The following MLLT3 variants were observed in gnomAD, a reference collection of about 807,000 sequenced individuals.
MLLT3 encodes MLLT3 super elongation complex subunit.
MLLT3 carries 4 observed loss-of-function variants against 53.2 expected under a neutral mutation model. The ratio of observed to expected loss-of-function variants is 0.08; its 90% CI spans 0.04 to 0.17. The LOEUF (loss-of-function observed/expected upper bound fraction) is 0.17. Ranked by LOEUF, MLLT3 falls within the 10% of genes least tolerant of loss-of-function variation. The pLI is 1.00. For missense variants in MLLT3, 569 were observed against 684.0 expected (o/e 0.83, Z 1.87); for synonymous variants, 283 against 230.6 (o/e 1.23, Z -2.06).
chr9:20,620,293 A>ACACACACGCGCGCG lies in MLLT3; in HGVS notation c.193+360_193+361insCGCGCGCGTGTGTG, dbSNP rs1176274864. ...CACACACACACACACACACACACAC[A>ACACACACGCGCGCG]CGCGCAAAGTGTTTATTCCCTCCAG... is the stretch of plus-strand genomic sequence containing the variant. On this transcript the variant is annotated intron_variant, in intron 2 of 10. Transcript: ENST00000380338. This position sits in a 1 kb window ranked among gnomAD's most constrained non-coding sequence, Gnocchi z 6.1. 5.5e-5 allele frequency among the ~76,000 whole-genome samples: 8 copies of ACACACACGCGCGCG among 145,958 alleles called. No individual in the cohort carries two copies. Among genetic ancestry groups the ACACACACGCGCGCG allele is most frequent in the African/African-American group, 2.0e-4 (8 of 39,812 alleles).
intron 4 of MLLT3, among the ~76,000 whole-genome samples, chr9:20,422,193 A>G (rs1823026260): frequency 6.6e-6 from 1 of 152,140 alleles, no homozygotes. Flanking sequence ...AGTGCACAAA[A>G]AGGACAAAAA....
At chr9:20,501,835 T>C (rs1217594023) in intron 2 of MLLT3, among the ~76,000 whole-genome samples, 2 of 147,476 alleles carry the variant, frequency 1.4e-5, no homozygotes, top group African/African-American at 5.0e-5. Context: ...AATCCCAGCA[T>C]TTTGAGAAGC....
chr9:20,361,861 G>A (rs117590115), intron 7 of MLLT3, among the ~76,000 whole-genome samples: 31 of 152,182 alleles, frequency 2.0e-4, no homozygotes, highest in Non-Finnish European at 3.7e-4. Context: ...TAGAAATCAG[G>A]ATAGTTTTTC....
At chr9:20,613,028 T>C (rs1282583864) in intron 2 of MLLT3, among the ~76,000 whole-genome samples, 2 of 152,134 alleles carry the variant, frequency 1.3e-5, no homozygotes, top group Non-Finnish European at 2.9e-5. Flanking sequence ...TATTTCTTAA[T>C]AGGAAAACAG....
intron 2 of MLLT3, among the ~76,000 whole-genome samples, chr9:20,536,437 C>A (rs1280703605): frequency 6.6e-6 from 1 of 152,120 alleles, no homozygotes; most frequent in Non-Finnish European, 1.5e-5. Flanking sequence ...AAAGAGTATA[C>A]TGGGATTATT....
chr9:20,438,921 T>A (rs932815167), intron 4 of MLLT3, among the ~76,000 whole-genome samples: 1 of 152,182 alleles, frequency 6.6e-6, no homozygotes, highest in Non-Finnish European at 1.5e-5. Flanking sequence ...TAGGGATCCT[T>A]ATCTCACTCA....
At chr9:20,557,251 G>A (rs1421242531) in intron 2 of MLLT3, among the ~76,000 whole-genome samples, 1 of 152,088 alleles carries the variant, frequency 6.6e-6, no homozygotes, top group Non-Finnish European at 1.5e-5. Flanking sequence ...TAGGAGAGCA[G>A]AATAACATAG....
chr9:20,516,512 C>T (rs1817923938), intron 2 of MLLT3, among the ~76,000 whole-genome samples: 1 of 152,296 alleles, frequency 6.6e-6, no homozygotes, highest in South Asian at 2.1e-4. Flanking sequence ...GCTATTGATG[C>T]TATTGTATTA....
intron 2 of MLLT3, among the ~76,000 whole-genome samples, chr9:20,581,496 T>C (rs1819791995): frequency 6.6e-6 from 1 of 152,182 alleles, no homozygotes; most frequent in Non-Finnish European, 1.5e-5. Context: ...AAATAAGTCT[T>C]CCCTAATTCA....
intron 4 of MLLT3, among the ~76,000 whole-genome samples, chr9:20,445,537 A>G (rs1479206198): frequency 6.6e-6 from 1 of 152,130 alleles, no homozygotes; most frequent in African/African-American, 2.4e-5. Flanking sequence ...CTTTGGAATT[A>G]TTTTCTTCTA....
intron 4 of MLLT3, among the ~76,000 whole-genome samples, chr9:20,428,539 A>C (rs1823190659): frequency 6.6e-6 from 1 of 152,112 alleles, no homozygotes; most frequent in African/African-American, 2.4e-5. Flanking sequence ...TGCTACATTA[A>C]TTTTGTGGAA....
At chr9:20,380,773 G>C (rs1267893104) in intron 5 of MLLT3, among the ~76,000 whole-genome samples, 1 of 151,948 alleles carries the variant, frequency 6.6e-6, no homozygotes, top group Non-Finnish European at 1.5e-5. Context: ...TTTATCTTAG[G>C]AACAATGTGA....
In MLLT3 at chr9:20,363,596, C is replaced by T; in HGVS notation, c.1211G>A (p.Arg404Lys). 1.2e-6 allele frequency: 2 copies of T among 1,613,544 alleles called. No homozygotes were observed. The highest frequency in any genetic ancestry group is 2.2e-5 in the East Asian group (1 of 44,870). The change falls in exon 7 of 11, where the codon AGG becomes AAG. Residue 404 changes from arginine to lysine, a missense_variant. This residue lies in a region of MLLT3 where 437 missense variants were observed against 376.5 expected (regional missense o/e 1.16). Coordinates refer to ENST00000380338, the MANE Select transcript of MLLT3 (RefSeq NM_004529.4). ...PSQTRQQGPLRSIMKDLHSDD... is the reference protein window; with the variant it reads ...PSQTRQQGPLKSIMKDLHSDD... ...AGAATGCAGATCTTTCATTATAGAC[C>T]TCAAAGGACCTGAGTAATGACAATG...
Position 20,448,170 on chromosome 9 carries a change from T to G in MLLT3, c.373A>C (p.Asn125His). ...CTCCTAAAGTCCTCTGTGGGGTTGT[T>G]GAAAGTTAGCTTTTCACAGCGGAGG... ...NHLRCEKLTF[N>H]NPTEDFRRKL... Residue 125 changes from asparagine (N) to histidine (H), a missense_variant, in exon 4 of 11, where the codon AAC becomes CAC. Physicochemically the swap from Asn to His is moderately conservative, Grantham distance 68. Transcript: ENST00000380338. The surrounding 1 kb of genome is among the most constrained non-coding windows in gnomAD (Gnocchi z 4.0). 6.2e-7 allele frequency: 1 copy of G among 1,613,742 alleles called. No individual in the cohort carries two copies. Among genetic ancestry groups the G allele is most frequent in the Non-Finnish European group, 8.5e-7 (1 of 1,179,776 alleles).
At chr9:20,573,684 C>T (rs1226949376) in intron 2 of MLLT3, among the ~76,000 whole-genome samples, 2 of 152,134 alleles carry the variant, frequency 1.3e-5, no homozygotes, top group African/African-American at 2.4e-5. Context: ...GTTGGGTATA[C>T]GTCTCCCCTT....
At chr9:20,473,178 A>C (rs1189737750) in intron 2 of MLLT3, among the ~76,000 whole-genome samples, 1 of 152,130 alleles carries the variant, frequency 6.6e-6, no homozygotes, top group Non-Finnish European at 1.5e-5. Context: ...ACGTAGTCAA[A>C]GCAAAGATGT....
intron 2 of MLLT3, among the ~76,000 whole-genome samples, chr9:20,488,361 CTAA>C (rs1824865218): frequency 6.6e-6 from 1 of 151,858 alleles, no homozygotes; most frequent in Non-Finnish European, 1.5e-5. Context: ...AATGGCAAAT[CTAA>C]TGTTATATAT....
chr9:20,527,303 C>T (rs999979875), intron 2 of MLLT3, among the ~76,000 whole-genome samples: 2 of 152,134 alleles, frequency 1.3e-5, no homozygotes, highest in African/African-American at 2.4e-5. Context: ...CAGCAAAATT[C>T]AACTCAGAAT....
At chr9:20,574,210 G>A (rs1419286596) in intron 2 of MLLT3, among the ~76,000 whole-genome samples, 1 of 152,090 alleles carries the variant, frequency 6.6e-6, no homozygotes, top group Non-Finnish European at 1.5e-5. Context: ...ACAATTAAGA[G>A]ACCCACTGCT....
Sources: gnomAD v4.1 joint callset for allele counts (sites outside exome capture counted in the v4.1 genomes callset) on GRCh38, gnomAD v4.1.1 for gene constraint, gnomAD v4.1.1 regional missense constraint, Gnocchi (gnomAD v3.1) non-coding constraint, MANE v1.5 for transcripts, NCBI Gene and HGNC (gene_info 2026-07-23, HGNC 2026-07-21) for gene names.